The following ATP8A2 variants were observed in gnomAD, a reference collection of about 807,000 sequenced individuals.
ATP8A2 encodes ATPase phospholipid transporting 8A2.
ATP8A2 carries 100 observed loss-of-function variants against 165.6 expected under a neutral mutation model. The ratio of observed to expected loss-of-function variants is 0.60; its 90% CI spans 0.51 to 0.71. The LOEUF is 0.71. Among genes scored for constraint, ATP8A2 ranks in the 30% least tolerant of loss-of-function variants. The pLI is 0.00. For missense variants in ATP8A2, 1,227 were observed against 1,479.5 expected (o/e 0.83, Z 2.80); for synonymous variants, 543 against 548.8 (o/e 0.99, Z 0.15).
chr13:25,625,330 T>C (rs1453098150), intron 24 of ATP8A2, among the ~76,000 whole-genome samples: 1 of 152,182 alleles, frequency 6.6e-6, no homozygotes, highest in Non-Finnish European at 1.5e-5. Context: ...GGTGCAGAAA[T>C]GTAGTAGGAC....
At chr13:25,916,734 C>T (rs1954278242) in intron 33 of ATP8A2, among the ~76,000 whole-genome samples, 1 of 152,190 alleles carries the variant, frequency 6.6e-6, no homozygotes, top group Admixed American at 6.5e-5. Context: ...ACTCCTAACC[C>T]ATCATCATTT....
At chr13:26,001,519 C>T (rs891897158) in intron 35 of ATP8A2, among the ~76,000 whole-genome samples, 1 of 152,110 alleles carries the variant, frequency 6.6e-6, no homozygotes, top group African/African-American at 2.4e-5. Context: ...CTCTCCAACA[C>T]TTATTTTCTG....
At chr13:25,723,197 G>T (rs1350727185) in intron 25 of ATP8A2, among the ~76,000 whole-genome samples, 1 of 152,202 alleles carries the variant, frequency 6.6e-6, no homozygotes, top group Non-Finnish European at 1.5e-5. Flanking sequence ...GAGTAGAATT[G>T]CTTAGTAGTG....
chr13:25,630,042 G>A (rs1414892077), intron 24 of ATP8A2, among the ~76,000 whole-genome samples: 1 of 150,860 alleles, frequency 6.6e-6, no homozygotes, highest in Admixed American at 6.6e-5. Context: ...TCATGGACAT[G>A]CACACCACTC....
At chr13:25,710,154 G>T (rs932958007) in intron 25 of ATP8A2, among the ~76,000 whole-genome samples, 2 of 152,030 alleles carry the variant, frequency 1.3e-5, no homozygotes, top group African/African-American at 4.8e-5. Flanking sequence ...CGTACTAATT[G>T]TACATATTTA....
chr13:25,437,992 C>G (rs183398303), intron 1 of ATP8A2, among the ~76,000 whole-genome samples: 2 of 152,268 alleles, frequency 1.3e-5, no homozygotes, highest in Admixed American at 1.3e-4. Flanking sequence ...AGAAAACAAC[C>G]CTTTCCCTTT....
chr13:25,853,394 A>ATATATATATAT (rs1555278528), intron 30 of ATP8A2, among the ~76,000 whole-genome samples: 11 of 11,644 alleles, frequency 9.4e-4, no homozygotes, highest in Non-Finnish European at 3.7e-3. Context: ...CTATCTAAAA[A>ATATATATATAT]AAATATATAT....
intron 1 of ATP8A2, among the ~76,000 whole-genome samples, chr13:25,453,123 G>A (rs1233217185): frequency 2.0e-5 from 3 of 151,554 alleles, no homozygotes; most frequent in Admixed American, 6.6e-5. Context: ...TTATATGAAC[G>A]TTTCTTTTCT....
chr13:25,766,822 C>T (rs1172973788), intron 25 of ATP8A2, among the ~76,000 whole-genome samples: 7 of 152,110 alleles, frequency 4.6e-5, no homozygotes, highest in Non-Finnish European at 8.8e-5. Context: ...TTTTGTTTTT[C>T]CAACAGTTAA....
At chr13:25,658,569 G>A (rs764415595) in intron 24 of ATP8A2, among the ~76,000 whole-genome samples, 5 of 152,160 alleles carry the variant, frequency 3.3e-5, no homozygotes, top group Admixed American at 6.5e-5. Flanking sequence ...AACCTGAGAG[G>A]CAGAGGTTGC....
chr13:25,775,777 T>C (rs2044727904), intron 27 of ATP8A2, among the ~76,000 whole-genome samples: 1 of 152,218 alleles, frequency 6.6e-6, no homozygotes, highest in African/African-American at 2.4e-5. Flanking sequence ...CATTCTACTA[T>C]GGGTTATTTT....
intron 2 of ATP8A2, among the ~76,000 whole-genome samples, chr13:25,505,195 G>A (rs1593417924): frequency 7.3e-6 from 1 of 137,338 alleles, no homozygotes; most frequent in South Asian, 2.6e-4. Flanking sequence ...TTGTTTTTTC[G>A]GCGGGGCGGG....
At chr13:25,982,016 AT>A (rs1434398380) in intron 35 of ATP8A2, among the ~76,000 whole-genome samples, 2 of 152,088 alleles carry the variant, frequency 1.3e-5, no homozygotes, top group Non-Finnish European at 2.9e-5. Context: ...TCCCATATCT[AT>A]TTTTTTGGCC....
chr13:25,591,164 T>G, intron 24 of ATP8A2: 3 of 407,018 alleles, frequency 7.4e-6, no homozygotes, highest in Non-Finnish European at 1.0e-5. Context: ...TGTGTGTAAA[T>G]TGTTGTGAAA....
intron 16 of ATP8A2, among the ~76,000 whole-genome samples, chr13:25,568,496 T>C (rs1432841753): frequency 6.6e-6 from 1 of 152,234 alleles, no homozygotes; most frequent in Admixed American, 6.5e-5. Flanking sequence ...GTACATATTA[T>C]AAGCTGTTAA....
intron 1 of ATP8A2, among the ~76,000 whole-genome samples, chr13:25,459,488 C>T (rs2035450418): frequency 6.6e-6 from 1 of 152,166 alleles, no homozygotes; most frequent in Admixed American, 6.5e-5. Flanking sequence ...ATGGGCCCTG[C>T]CCTCCTGGAG....
intron 2 of ATP8A2, among the ~76,000 whole-genome samples, chr13:25,523,248 T>G (rs1032386883): frequency 4.0e-5 from 6 of 151,798 alleles, no homozygotes; most frequent in Admixed American, 6.6e-5. Context: ...TGATCTTCAA[T>G]TTTTTTTCAA....
At chr13:25,689,680 T>G (rs576294188) in intron 24 of ATP8A2, among the ~76,000 whole-genome samples, 1 of 152,220 alleles carries the variant, frequency 6.6e-6, no homozygotes, top group African/African-American at 2.4e-5. Flanking sequence ...ATATTAAATG[T>G]GGCATTGATT....
chr13:25,608,200 C>A (rs991277457), intron 24 of ATP8A2, among the ~76,000 whole-genome samples: 1 of 152,180 alleles, frequency 6.6e-6, no homozygotes, highest in Non-Finnish European at 1.5e-5. Flanking sequence ...GTGTAAAAAC[C>A]TGTAGATAAG....
Sources: gnomAD v4.1 joint callset for allele counts (sites outside exome capture counted in the v4.1 genomes callset) on GRCh38, gnomAD v4.1.1 for gene constraint, MANE v1.5 for transcripts, NCBI Gene and HGNC (gene_info 2026-07-23, HGNC 2026-07-21) for gene names.